The following MICU3 variants were observed in gnomAD, a reference collection of about 807,000 sequenced individuals.
MICU3 encodes calcium uptake protein 3, mitochondrial.
MICU3 carries 62 observed loss-of-function variants against 66.5 expected under a neutral mutation model. The ratio of observed to expected loss-of-function variants is 0.93; its 90% confidence interval spans 0.76 to 1.15. The LOEUF is 1.15. MICU3 is among the 50% of genes most tolerant of loss of function. MICU3 has a pLI of 0.00. For synonymous variants in MICU3, 308 were observed against 240.7 expected (o/e 1.28, Z -2.59); for missense variants, 779 against 664.4 (o/e 1.17, Z -1.90).
rs561589838 is a variant in MICU3 at position 17,037,159 on chromosome 8, C to T, written c.381+9499C>T. Among the ~76,000 whole-genome samples the T allele has an allele frequency of 7.9e-5, 12 of 152,292 alleles. 1 individual carries two copies. In the East Asian group the frequency reaches 1.7e-3, roughly 22 times the overall value. On this transcript the variant is annotated intron_variant, in intron 1 of 14. Transcript: ENST00000318063. Reference sequence around the variant, plus strand: ...CCCACCTGGAACTCCAGCTGGCCCACAAGCGCCACACGCAGCCCCAGTTCC... The same window carrying T: ...CCCACCTGGAACTCCAGCTGGCCCATAAGCGCCACACGCAGCCCCAGTTCC...
rs1316790701 is a variant in MICU3, at chr8:17,027,485, T to TGGC, written c.216_218dup (p.Ala73dup). On this transcript the variant is annotated inframe_insertion, in exon 1 of 15. Coordinates refer to ENST00000318063, the MANE Select transcript of MICU3 (RefSeq NM_181723.3). ...CGGCGGCGCTGGGGGGAGCTGAGCG[T>TGGC]GGCGGCGGCGGCCGGCGGGGGGCTG... 1.6e-6 allele frequency: 2 copies of TGGC among 1,282,310 alleles called. No individual in the cohort carries two copies. The highest frequency in any genetic ancestry group is 1.6e-5 in the African/African-American group (1 of 64,438). The allele number at this position is 1,282,310 out of a possible 1,614,324, so 79.4% of individuals were successfully genotyped here. A position where few individuals can be genotyped will look rare whatever the true frequency, so the allele number is the denominator to read the frequency against.
At chr8:17,118,422 G>A (rs1802898218) in intron 13 of MICU3, among the ~76,000 whole-genome samples, 1 of 152,024 alleles carries the variant, frequency 6.6e-6, no homozygotes, top group Non-Finnish European at 1.5e-5. Flanking sequence ...CATTTTAAAT[G>A]TACTTTTTAA....
chr8:17,059,383 AAACTAACAGC>A (rs1243207115), intron 1 of MICU3, among the ~76,000 whole-genome samples: 1 of 152,224 alleles, frequency 6.6e-6, no homozygotes, highest in Non-Finnish European at 1.5e-5. Flanking sequence ...ATAATTATCA[AAACTAACAGC>A]AGCCATTGCT....
chr8:17,054,245 C>A (rs149135404), intron 1 of MICU3, among the ~76,000 whole-genome samples: 1 of 152,144 alleles, frequency 6.6e-6, no homozygotes, highest in African/African-American at 2.4e-5. Flanking sequence ...AATATTATTA[C>A]ATTTACTAGG....
In MICU3 at chr8:17,027,455, G is replaced by A. The variant is rs1049404322; in HGVS notation, c.176G>A (p.Arg59Lys). Residue 59 changes from arginine to lysine, a missense_variant, in exon 1 of 15, where the codon AGG becomes AAG. Coordinates refer to ENST00000318063, the MANE Select transcript of MICU3 (RefSeq NM_181723.3). ...EERAVAEAAW[R>K]RRRRWGELSV... ...AGGGCTGTGGCGGAGGCGGCATGGA[G>A]GCGGCGGCGGCGCTGGGGGGAGCTG... 46 of 1,296,888 alleles carry A rather than the reference G, an allele frequency of 3.5e-5. No homozygotes were observed. The highest frequency in any genetic ancestry group is 4.4e-5 in the Non-Finnish European group (45 of 1,027,286). 80.3% of individuals were successfully genotyped at this position (1,296,888 alleles called of 1,614,324 possible).
In MICU3 at chr8:17,027,436, G is replaced by A. The variant is rs570359880; in HGVS notation, c.157G>A (p.Val53Met). ...FSSREDEERA[V>M]AEAAWRRRRR... Reference sequence around the variant, plus strand: ...CTCCCGAGAGGATGAGGAGAGGGCTGTGGCGGAGGCGGCATGGAGGCGGCG... The same window carrying A: ...CTCCCGAGAGGATGAGGAGAGGGCTATGGCGGAGGCGGCATGGAGGCGGCG... The change falls in exon 1 of 15, where the codon GTG (valine) becomes ATG (methionine). Residue 53 changes from valine to methionine, a missense_variant. Physicochemically the swap from Val to Met is conservative, Grantham distance 21 (BLOSUM62 1). Coordinates refer to ENST00000318063, the MANE Select transcript of MICU3 (RefSeq NM_181723.3). 7.6e-6 allele frequency: 10 copies of A among 1,319,232 alleles called. No individual in the cohort carries two copies. The East Asian group carries it at 1.8e-4, about 24-fold the overall frequency. The allele number at this position is 1,319,232 out of a possible 1,614,324, so 81.7% of individuals were successfully genotyped here.
At chr8:17,074,459 C>T (rs923644114) in intron 3 of MICU3, among the ~76,000 whole-genome samples, 2 of 151,970 alleles carry the variant, frequency 1.3e-5, no homozygotes, top group Non-Finnish European at 2.9e-5. Flanking sequence ...AAAATATGCT[C>T]ACTATAATAT....
intron 6 of MICU3, among the ~76,000 whole-genome samples, chr8:17,085,657 A>C (rs964342192): frequency 6.6e-6 from 1 of 152,068 alleles, no homozygotes; most frequent in Non-Finnish European, 1.5e-5. Flanking sequence ...ACCTAGGCAC[A>C]CAACTCCTTC....
At position 17,118,732 on chromosome 8, in the gene MICU3, C is replaced by A; in HGVS notation, c.1550C>A (p.Pro517His). 1 of 1,612,396 alleles carries A rather than the reference C, an allele frequency of 6.2e-7. No individual in the cohort carries two copies. Residue 517 changes from proline to histidine, a missense_variant, in exon 14 of 15, where the codon CCC becomes CAC. Pro to His is a moderately conservative substitution (Grantham distance 77). Coordinates refer to ENST00000318063, the MANE Select transcript of MICU3 (RefSeq NM_181723.3). ...GGTTATAAAACAGTCCAGAAGTACC[C>A]CACTTTCAAATCCTGCCTGAAGAAA... is the stretch of plus-strand genomic sequence containing the variant. ...FRGYKTVQKY[P>H]TFKSCLKKEL...
intron 1 of MICU3, among the ~76,000 whole-genome samples, chr8:17,045,853 G>C (rs957815634): frequency 6.6e-6 from 1 of 152,178 alleles, no homozygotes; most frequent in Non-Finnish European, 1.5e-5. Context: ...AAAACTGTCA[G>C]ATCTCATGAG....
the MICU3 span, among the ~76,000 whole-genome samples, chr8:17,136,543 A>T: frequency 6.6e-6 from 1 of 152,108 alleles, no homozygotes; most frequent in Non-Finnish European, 1.5e-5. Flanking sequence ...GGAGGGGATT[A>T]GAGCCTCTGC....
intron 11 of MICU3, among the ~76,000 whole-genome samples, chr8:17,112,105 G>T (rs1372819775): frequency 2.0e-5 from 3 of 151,626 alleles, no homozygotes; most frequent in Non-Finnish European, 4.4e-5. Context: ...CCCTCAACAT[G>T]GGGGGATTAT....
At chr8:17,106,991 A>C (rs1801799529) in intron 11 of MICU3, among the ~76,000 whole-genome samples, 2 of 152,016 alleles carry the variant, frequency 1.3e-5, no homozygotes, top group African/African-American at 4.8e-5. Context: ...ACAGCTACTA[A>C]TATTTGAATA....
intron 11 of MICU3, among the ~76,000 whole-genome samples, chr8:17,107,773 A>C (rs1014767038): frequency 1.3e-5 from 2 of 152,198 alleles, no homozygotes; most frequent in African/African-American, 4.8e-5. Context: ...GCTTTAGCAT[A>C]GGCATGATGC....
At chr8:17,073,486 A>G (rs575630468) in intron 3 of MICU3, among the ~76,000 whole-genome samples, 3 of 152,222 alleles carry the variant, frequency 2.0e-5, no homozygotes, top group South Asian at 4.2e-4. Flanking sequence ...CAAGAAAACA[A>G]GCTCAGGACT....
intron 1 of MICU3, among the ~76,000 whole-genome samples, chr8:17,054,531 G>T (rs541049550): frequency 3.0e-4 from 46 of 152,178 alleles, no homozygotes; most frequent in South Asian, 2.9e-3. Flanking sequence ...TAATTATAGA[G>T]CAAAATGTGA....
chr8:17,105,654 T>C, intron 11 of MICU3, 70 bp downstream of exon 11: 2 of 835,188 alleles, frequency 2.4e-6, no homozygotes, highest in Non-Finnish European at 1.8e-6. Flanking sequence ...CACATTGCCC[T>C]TTTGTTAGTT....
At chr8:17,029,222 T>A (rs1811578453) in intron 1 of MICU3, among the ~76,000 whole-genome samples, 1 of 152,242 alleles carries the variant, frequency 6.6e-6, no homozygotes, top group South Asian at 2.1e-4. Flanking sequence ...ACGCCTGTAA[T>A]CCCAGCACTT....
intron 11 of MICU3, among the ~76,000 whole-genome samples, chr8:17,112,147 G>A (rs1013445481): frequency 1.3e-5 from 2 of 152,120 alleles, no homozygotes; most frequent in African/African-American, 4.8e-5. Context: ...CGTGGGGATT[G>A]CAATTTGAGA....
Sources: gnomAD v4.1 joint callset for allele counts (sites outside exome capture counted in the v4.1 genomes callset) on GRCh38, gnomAD v4.1.1 for gene constraint, MANE v1.5 for transcripts, NCBI Gene and HGNC (gene_info 2026-07-23, HGNC 2026-07-21) for gene names.